Variants in PLEKHG2 observed in about 807,000 individuals in gnomAD.
PLEKHG2 encodes pleckstrin homology domain-containing family G member 2.
PLEKHG2 carries 71 observed loss-of-function variants against 104.4 expected under a neutral mutation model. That is an observed-to-expected ratio of 0.68 (90% CI 0.56 to 0.83). The LOEUF is 0.83. Ranked by LOEUF, PLEKHG2 falls within the 40% of genes least tolerant of loss-of-function variation. The probability of loss-of-function intolerance (pLI) is 0.00; values close to 1 mark genes in which losing one functional copy is unlikely to be tolerated. For synonymous variants in PLEKHG2, 728 were observed against 737.0 expected, an observed-to-expected ratio of 0.99 and a Z score of 0.20; for missense variants, 1,730 against 1,809.4, an observed-to-expected ratio of 0.96 and a Z score of 0.80.
chr19:39,415,202 C>G lies in PLEKHG2; in HGVS notation c.320C>G (p.Ala107Gly). The change falls in exon 3 of 19, where the codon GCC (alanine) becomes GGC (glycine). Residue 107 changes from alanine to glycine, a missense_variant. Transcript: ENST00000425673. This position sits in a 1 kb window ranked among gnomAD's most constrained non-coding sequence, Gnocchi z 4.6. ...AGACCCTCAAGGCTGGAGCGTGTGG[C>G]CCGGGAGATCGTGGAGACAGAACGG... Reference protein sequence around the residue: ...SARPSRLERVAREIVETERAY... With the variant: ...SARPSRLERVGREIVETERAY... The G allele has an allele frequency of 6.3e-7, 1 of 1,585,372 alleles. No homozygotes were observed. Among genetic ancestry groups the G allele is most frequent in the Non-Finnish European group, 8.6e-7 (1 of 1,165,052 alleles).
intron 8 of PLEKHG2, 90 bp downstream of exon 8, chr19:39,417,782 A>G (rs1437324821): frequency 2.0e-6 from 3 of 1,518,680 alleles, no homozygotes; most frequent in Non-Finnish European, 2.6e-6. Context: ...CCTCAGAGGT[A>G]GCCTTGGAGG....
Position 39,425,520 on chromosome 19 carries a change from T to C in PLEKHG2, c.*226T>C, listed in dbSNP as rs545577999. ...TAATACTGATTCTTTCATGCAATGA[T>C]GTGTATTTTCCCATTCTGGAGGCTG... On this transcript the variant is annotated 3_prime_UTR_variant, in exon 19 of 19. Coordinates refer to ENST00000425673, the MANE Select transcript of PLEKHG2 (RefSeq NM_022835.3). 73 of 675,232 alleles carry C rather than the reference T, an allele frequency of 1.1e-4. No homozygotes were observed. The highest frequency in any genetic ancestry group is 1.1e-5 in the Non-Finnish European group (5 of 448,974). The allele number at this position is 675,232 out of a possible 1,614,324, so 41.8% of individuals were successfully genotyped here. A position where few individuals can be genotyped will look rare whatever the true frequency, so the allele number is the denominator to read the frequency against.
In PLEKHG2 at chr19:39,425,227, C is replaced by T. The variant is rs767820562; in HGVS notation, c.4094C>T (p.Ala1365Val). 6.2e-7 allele frequency: 1 copy of T among 1,613,456 alleles called. No individual in the cohort carries two copies. The highest frequency in any genetic ancestry group is 1.1e-5 in the South Asian group (1 of 91,080). Reference sequence around the variant, plus strand: ...CGGTTGAACCACCCTGCTCTCTTGGCCTCCACACAGGAATCTATGGGCCTT... The same window carrying T: ...CGGTTGAACCACCCTGCTCTCTTGGTCTCCACACAGGAATCTATGGGCCTT... Reference protein sequence around the residue: ...QVRLNHPALLASTQESMGLHR... With the variant: ...QVRLNHPALLVSTQESMGLHR... The change falls in exon 19 of 19, where the codon GCC becomes GTC. Residue 1365 changes from alanine to valine, a missense_variant. Transcript: ENST00000425673.
chr19:39,423,031 C>G lies in PLEKHG2; in HGVS notation c.1977C>G (p.Leu659=). The G allele has an allele frequency of 6.2e-7, 1 of 1,614,210 alleles. No homozygotes were observed. Among genetic ancestry groups the G allele is most frequent in the Non-Finnish European group, 8.5e-7 (1 of 1,180,032 alleles). ...EIPEGSRLPS[L]SDISDVFEMP... Reference sequence around the variant, plus strand: ...CCGAAGGTTCTCGCCTTCCTAGTCTCTCTGACATTTCCGATGTTTTTGAGA... The same window carrying G: ...CCGAAGGTTCTCGCCTTCCTAGTCTGTCTGACATTTCCGATGTTTTTGAGA... The change falls in exon 18 of 19, where the codon CTC becomes CTG. Residue 659 remains leucine, a synonymous_variant. Transcript: ENST00000425673.
Position 39,418,504 on chromosome 19 carries a change from A to G in PLEKHG2, c.1084-230A>G, listed in dbSNP as rs143144092. ...TGAGGCAGGAGAATTACTTGAACCC[A>G]GGAGGCGGAGGTTGCAATAAGCCAA... On this transcript the variant is annotated intron_variant, in intron 9 of 18. Coordinates refer to ENST00000425673, the MANE Select transcript of PLEKHG2 (RefSeq NM_022835.3). 6.1e-3 allele frequency among the ~76,000 whole-genome samples: 930 copies of G among 151,894 alleles called. 8 individuals are homozygous for G. The highest frequency in any genetic ancestry group is 0.021 in the African/African-American group (859 of 41,424).
intron 15 of PLEKHG2, 83 bp from the exon 16 acceptor site, chr19:39,421,200 T>G (rs768555047): frequency 7.5e-5 from 121 of 1,612,314 alleles, no homozygotes; most frequent in Admixed American, 1.7e-4. Flanking sequence ...GGTGGTTGCT[T>G]CAGCTCATCA....
rs2146015154 is a variant in PLEKHG2 at position 39,423,308 on chromosome 19, C to A, written c.2254C>A (p.His752Asn). Residue 752 changes from histidine to asparagine, a missense_variant, in exon 18 of 19, where the codon CAT becomes AAT. His to Asn is a moderately conservative substitution (Grantham distance 68, BLOSUM62 1). Transcript: ENST00000425673. ...TDFQPQDVTQ[H>N]QGFPDELAFR... ...CTTCCAGCCCCAGGATGTCACCCAA[C>A]ATCAGGGATTCCCAGATGAGCTGGC... The A allele has an allele frequency of 6.2e-7, 1 of 1,614,094 alleles. No individual in the cohort carries two copies. The highest frequency in any genetic ancestry group is 1.1e-5 in the South Asian group (1 of 91,092).
At chr19:39,421,954 T>C in intron 16 of PLEKHG2, 161 bp from the exon 17 acceptor site, 3 of 622,118 alleles carry the variant, frequency 4.8e-6, no homozygotes, top group Non-Finnish European at 7.4e-6. Context: ...GAGGCGGAGA[T>C]TGCAGTGAGC....
chr19:39,416,440 G>A lies in PLEKHG2; in HGVS notation c.546+26G>A, dbSNP rs755919843. 23 of 1,612,772 alleles carry A rather than the reference G, an allele frequency of 1.4e-5. No individual in the cohort carries two copies. The highest frequency in any genetic ancestry group is 5.5e-5 in the South Asian group (5 of 91,030). ...GTGAGTGGAGGGGTGGGGGGCTCTC[G>A]GTCCTGGATGGGGCCTTTGTAGAGG... is the stretch of plus-strand genomic sequence containing the variant. On this transcript the variant is annotated intron_variant, in intron 5 of 18. Transcript: ENST00000425673. The surrounding 1 kb of genome is among the most constrained non-coding windows in gnomAD (Gnocchi z 4.5).
intron 16 of PLEKHG2, chr19:39,421,775 G>C (rs1450963146): frequency 4.4e-6 from 1 of 225,234 alleles, no homozygotes; most frequent in African/African-American, 2.3e-5. Flanking sequence ...CCAGCACTTT[G>C]GGAGGCCGAG....
chr19:39,425,076 C>T lies in PLEKHG2; in HGVS notation c.3943C>T (p.Arg1315Trp), dbSNP rs935190790. 24 of 1,592,280 alleles carry T rather than the reference C, an allele frequency of 1.5e-5. No individual in the cohort carries two copies. The highest frequency in any genetic ancestry group is 2.7e-5 in the African/African-American group (2 of 74,214). ...RGSWSSAPTS[R>W]ASSPPPQPQP... Reference sequence around the variant, plus strand: ...CTCCTGGTCCTCTGCTCCCACGTCACGGGCATCTTCGCCGCCCCCCCAGCC... The same window carrying T: ...CTCCTGGTCCTCTGCTCCCACGTCATGGGCATCTTCGCCGCCCCCCCAGCC... Residue 1315 changes from arginine to tryptophan, a missense_variant, in exon 19 of 19, where the codon CGG becomes TGG. By Grantham distance (101) the Arg-to-Trp change is moderately radical. Transcript: ENST00000425673.
chr19:39,419,648 C>G (rs182241973), intron 11 of PLEKHG2, among the ~76,000 whole-genome samples: 7 of 152,026 alleles, frequency 4.6e-5, no homozygotes, highest in Non-Finnish European at 1.0e-4. Context: ...GAGGCCGAGG[C>G]GGGCGGATCA....
rs1490504519 is a variant in PLEKHG2, at chr19:39,423,742, C to A, written c.2609C>A (p.Pro870His). The A allele has an allele frequency of 6.2e-7, 1 of 1,609,216 alleles. No individual in the cohort carries two copies. The highest frequency in any genetic ancestry group is 1.7e-5 in the Admixed American group (1 of 59,610). ...PQEQAEPGLL[P>H]AFGHVLVCEL... is the part of the protein sequence containing the mutation. Reference sequence around the variant, plus strand: ...CTCTTTTCGCATTCAGGGCTCCTGCCTGCCTTTGGACACGTGCTGGTATGT... The same window carrying A: ...CTCTTTTCGCATTCAGGGCTCCTGCATGCCTTTGGACACGTGCTGGTATGT... Residue 870 changes from proline to histidine, a missense_variant, in exon 19 of 19, where the codon CCT becomes CAT. Pro to His is a moderately conservative substitution (Grantham distance 77). Coordinates refer to ENST00000425673, the MANE Select transcript of PLEKHG2 (RefSeq NM_022835.3).
rs2078560293 is a variant in PLEKHG2 at position 39,413,951 on chromosome 19, A to C, written c.-22-114A>C. ...TGTGCCTCCCCCATTAGTTACTCCC[A>C]GGGGCCCCTCCCTGGATTTACACCA... On this transcript the variant is annotated intron_variant, in intron 1 of 18. Coordinates refer to ENST00000425673, the MANE Select transcript of PLEKHG2 (RefSeq NM_022835.3). This position sits in a 1 kb window ranked among gnomAD's most constrained non-coding sequence, Gnocchi z 4.5. 1 of 648,000 alleles carries C rather than the reference A, an allele frequency of 1.5e-6. No individual in the cohort carries two copies. Among genetic ancestry groups the C allele is most frequent in the Non-Finnish European group, 2.6e-6 (1 of 381,790 alleles). 40.1% of individuals were successfully genotyped at this position (648,000 alleles called of 1,614,324 possible).
At chr19:39,414,252 T>A in intron 2 of PLEKHG2, 57 bp downstream of exon 2, 1 of 1,507,460 alleles carries the variant, frequency 6.6e-7, no homozygotes, top group Non-Finnish European at 9.0e-7. Context: ...TTGGCAATGC[T>A]GTCAAGGCAG....
rs748600217 is a variant in PLEKHG2 at position 39,423,068 on chromosome 19, C to A, written c.2014C>A (p.Pro672Thr). The A allele has an allele frequency of 6.2e-7, 1 of 1,614,216 alleles. No homozygotes were observed. The highest frequency in any genetic ancestry group is 1.3e-5 in the African/African-American group (1 of 75,040). ...CGATGTTTTTGAGATGCCCTGCCTT[C>A]CAGCCATACCTAGTGTCCCCAACAC... ...ISDVFEMPCL[P>T]AIPSVPNTPS... Residue 672 changes from proline to threonine, a missense_variant, in exon 18 of 19, where the codon CCA becomes ACA. Transcript: ENST00000425673.
chr19:39,421,958 A>G, intron 16 of PLEKHG2, 157 bp from the exon 17 acceptor site: 1 of 653,100 alleles, frequency 1.5e-6, no homozygotes, highest in South Asian at 3.1e-5. Context: ...CGGAGATTGC[A>G]GTGAGCAGAG....
rs952532538 is a variant in PLEKHG2 at position 39,416,247 on chromosome 19, C to A, written c.480-101C>A. On this transcript the variant is annotated intron_variant, in intron 4 of 18. Transcript: ENST00000425673. The surrounding 1 kb of genome is among the most constrained non-coding windows in gnomAD (Gnocchi z 4.5). Reference sequence around the variant, plus strand: ...TTAGGAGATGCTGGCAGTCAGCAAGCCCCCAGCCCCAGCAGACCATTGGGG... The same window carrying A: ...TTAGGAGATGCTGGCAGTCAGCAAGACCCCAGCCCCAGCAGACCATTGGGG... 4 of 1,184,318 alleles carry A rather than the reference C, an allele frequency of 3.4e-6. No individual in the cohort carries two copies. The East Asian group carries it at 7.0e-5, about 21-fold the overall frequency. 73.4% of individuals were successfully genotyped at this position (1,184,318 alleles called of 1,614,324 possible). A position where few individuals can be genotyped will look rare whatever the true frequency, so the allele number is the denominator to read the frequency against.
chr19:39,424,906 C>T lies in PLEKHG2; in HGVS notation c.3773C>T (p.Pro1258Leu), dbSNP rs760696158. The T allele has an allele frequency of 3.7e-6, 6 of 1,614,230 alleles. No individual in the cohort carries two copies. The South Asian group carries it at 6.6e-5, about 18-fold the overall frequency. Reference sequence around the variant, plus strand: ...AGGTTGGAGTCTTCAGACTTGACGCCACCTCATAGTCCCCCACCTTCCAGC... The same window carrying T: ...AGGTTGGAGTCTTCAGACTTGACGCTACCTCATAGTCCCCCACCTTCCAGC... ...VARLESSDLT[P>L]PHSPPPSSRQ... The change falls in exon 19 of 19, where the codon CCA becomes CTA. Residue 1258 changes from proline to leucine, a missense_variant. Pro to Leu is a moderately conservative substitution (Grantham distance 98). Coordinates refer to ENST00000425673, the MANE Select transcript of PLEKHG2 (RefSeq NM_022835.3).
Sources: allele counts gnomAD v4.1 joint callset (sites outside exome capture counted in the v4.1 genomes callset), GRCh38; gene constraint gnomAD v4.1.1; non-coding constraint Gnocchi (gnomAD v3.1); transcripts MANE v1.5; gene names NCBI Gene and HGNC (gene_info 2026-07-23, HGNC 2026-07-21).